Variants in CPNE4 observed in about 807,000 individuals in gnomAD.
CPNE4 encodes copine 4, also known as copine-4.
A neutral mutation model predicts 67.9 loss-of-function variants in CPNE4; 25 were observed. The ratio of observed to expected loss-of-function variants is 0.37; its 90% CI spans 0.27 to 0.51. The LOEUF (loss-of-function observed/expected upper bound fraction) is 0.51, where lower values mean the gene tolerates loss of function less well. Ranked by LOEUF, CPNE4 falls within the 20% of genes least tolerant of loss-of-function variation. The pLI, the probability that CPNE4 is intolerant of heterozygous loss-of-function variation, is 0.93. For synonymous variants in CPNE4, 242 were observed against 244.9 expected (o/e 0.99, Z 0.11); for missense variants, 464 against 690.8 (o/e 0.67, Z 3.68).
chr3:131,801,929 T>C (rs561830856), intron 2 of CPNE4, among the ~76,000 whole-genome samples: 3 of 111,400 alleles, frequency 2.7e-5, no homozygotes, highest in Admixed American at 9.0e-5. Flanking sequence ...GCTAGGGTAA[T>C]AGTAGTAATA....
intron 2 of CPNE4, among the ~76,000 whole-genome samples, chr3:131,879,360 C>T (rs932029730): frequency 3.3e-5 from 5 of 152,138 alleles, no homozygotes; most frequent in African/African-American, 7.2e-5. Flanking sequence ...CTATCCTTCC[C>T]CAAAATCTCA....
chr3:131,872,820 T>C (rs1488641982), intron 2 of CPNE4, among the ~76,000 whole-genome samples: 1 of 152,224 alleles, frequency 6.6e-6, no homozygotes, highest in Non-Finnish European at 1.5e-5. Flanking sequence ...CACCTTTAGC[T>C]AGGCCCCCAG....
At chr3:131,972,131 A>C (rs1453542502) in intron 1 of CPNE4, among the ~76,000 whole-genome samples, 1 of 152,046 alleles carries the variant, frequency 6.6e-6, no homozygotes, top group Non-Finnish European at 1.5e-5. Flanking sequence ...GGGAAAAAAA[A>C]AGAAAAATCA....
At chr3:132,003,961 G>T (rs1428411061) in intron 1 of CPNE4, among the ~76,000 whole-genome samples, 2 of 152,040 alleles carry the variant, frequency 1.3e-5, no homozygotes, top group African/African-American at 4.8e-5. Context: ...AAGAGTAGAA[G>T]GGGAGAGCAA....
intron 7 of CPNE4, among the ~76,000 whole-genome samples, chr3:131,640,788 A>G (rs2079520750): frequency 2.0e-5 from 3 of 152,200 alleles, no homozygotes; most frequent in Admixed American, 2.0e-4. Flanking sequence ...CATAGTCACC[A>G]AAAAAGCATG....
At chr3:131,862,312 C>T (rs1044647870) in intron 2 of CPNE4, among the ~76,000 whole-genome samples, 3 of 152,150 alleles carry the variant, frequency 2.0e-5, no homozygotes, top group East Asian at 1.9e-4. Context: ...CCTTCTTCCT[C>T]GCCATGCATA....
intron 11 of CPNE4, among the ~76,000 whole-genome samples, chr3:131,556,072 T>A (rs992044117): frequency 6.6e-6 from 1 of 151,864 alleles, no homozygotes; most frequent in African/African-American, 2.4e-5. Flanking sequence ...TGAATCGAAA[T>A]GGATATTAAA....
intron 7 of CPNE4, among the ~76,000 whole-genome samples, chr3:131,595,569 G>C (rs1330329597): frequency 1.3e-5 from 2 of 152,178 alleles, no homozygotes; most frequent in African/African-American, 4.8e-5. Flanking sequence ...CAGGAAGCTT[G>C]CAATCATGGT....
chr3:131,607,923 C>T (rs1351876129), intron 7 of CPNE4, among the ~76,000 whole-genome samples: 1 of 152,148 alleles, frequency 6.6e-6, no homozygotes, highest in Non-Finnish European at 1.5e-5. Flanking sequence ...ATTACAAGTG[C>T]AGGGTTGCCG....
chr3:131,784,253 T>C (rs2083496846), intron 2 of CPNE4, among the ~76,000 whole-genome samples: 1 of 152,052 alleles, frequency 6.6e-6, no homozygotes, highest in African/African-American at 2.4e-5. Flanking sequence ...TGTTCTATCT[T>C]TGAGTGTTTC....
At chr3:131,644,062 A>G (rs2079602903) in intron 7 of CPNE4, among the ~76,000 whole-genome samples, 3 of 152,136 alleles carry the variant, frequency 2.0e-5, no homozygotes, top group Admixed American at 2.0e-4. Context: ...AGTCTGTACC[A>G]TTGGTTCTCA....
chr3:131,986,853 C>T (rs867211431), intron 1 of CPNE4, among the ~76,000 whole-genome samples: 1 of 101,680 alleles, frequency 9.8e-6, no homozygotes, highest in African/African-American at 4.3e-5. Flanking sequence ...CAAAAAAAAA[C>T]AAAAACAAAC....
intron 11 of CPNE4, among the ~76,000 whole-genome samples, chr3:131,558,880 A>G (rs1936607207): frequency 6.6e-6 from 1 of 151,802 alleles, no homozygotes; most frequent in Non-Finnish European, 1.5e-5. Context: ...GGAAATCAGT[A>G]TTCAGTTCCT....
At chr3:131,961,976 T>G (rs1450417662) in intron 1 of CPNE4, among the ~76,000 whole-genome samples, 1 of 152,236 alleles carries the variant, frequency 6.6e-6, no homozygotes, top group African/African-American at 2.4e-5. Context: ...TCTGGCCATA[T>G]CTAGATCATC....
At chr3:131,871,899 C>G (rs1007999221) in intron 2 of CPNE4, among the ~76,000 whole-genome samples, 4 of 152,192 alleles carry the variant, frequency 2.6e-5, no homozygotes, top group Admixed American at 2.0e-4. Flanking sequence ...CCTCTATGAA[C>G]CCCATACCAG....
Position 132,007,625 on chromosome 3 carries a change from CT to C in CPNE4, c.-2+26941del, listed in dbSNP as rs1195191781. Reference sequence around the variant, plus strand: ...ACCTGCACAACCATACACAGCAGCCCTTTTTTTTTTTCATTCAACAGTTCAT... The same window carrying C: ...ACCTGCACAACCATACACAGCAGCCCTTTTTTTTTTCATTCAACAGTTCAT... On this transcript the variant is annotated intron_variant, in intron 1 of 15. Coordinates refer to ENST00000429747, the MANE Select transcript of CPNE4 (RefSeq NM_130808.3). 3.6e-3 allele frequency among the ~76,000 whole-genome samples: 529 copies of C among 146,098 alleles called. 4 individuals carry two copies. Among genetic ancestry groups the C allele is most frequent in the African/African-American group, 8.6e-3 (344 of 40,012 alleles).
chr3:132,026,688 GAAAT>G (rs2074122584), intron 1 of CPNE4, among the ~76,000 whole-genome samples: 1 of 152,074 alleles, frequency 6.6e-6, no homozygotes, highest in Admixed American at 6.6e-5. Flanking sequence ...CATATTATCT[GAAAT>G]AAATTAACAT....
intron 2 of CPNE4, among the ~76,000 whole-genome samples, chr3:131,746,700 C>A (rs968856157): frequency 6.6e-6 from 1 of 152,026 alleles, no homozygotes; most frequent in African/African-American, 2.4e-5. Context: ...TATTCCATAT[C>A]TTGGCTACTG....
intron 7 of CPNE4, among the ~76,000 whole-genome samples, chr3:131,637,943 T>C (rs2079436670): frequency 6.6e-6 from 1 of 152,110 alleles, no homozygotes; most frequent in Non-Finnish European, 1.5e-5. Context: ...TTAAGCTTAA[T>C]AAATGAAGGA....
Sources: allele counts gnomAD v4.1 joint callset (sites outside exome capture counted in the v4.1 genomes callset), GRCh38; gene constraint gnomAD v4.1.1; transcripts MANE v1.5; gene names NCBI Gene and HGNC (gene_info 2026-07-23, HGNC 2026-07-21).